MINDY4: variants seen among roughly 807,000 people sequenced by gnomAD.
MINDY4 encodes MINDY lysine 48 deubiquitinase 4.
MINDY4 carries 68 observed loss-of-function variants against 87.0 expected under a neutral mutation model. The ratio of observed to expected loss-of-function variants is 0.78; its 90% confidence interval spans 0.64 to 0.96. MINDY4 has a LOEUF of 0.96. Among genes scored for constraint, MINDY4 ranks in the 40% least tolerant of loss-of-function variants. The pLI is 0.00. For synonymous variants in MINDY4, 379 were observed against 363.2 expected, an observed-to-expected ratio of 1.04 and a Z score of -0.50; for missense variants, 919 against 928.2, an observed-to-expected ratio of 0.99 and a Z score of 0.13.
At chr7:30,841,180 C>T (rs1038265994) in intron 9 of MINDY4, among the ~76,000 whole-genome samples, 4 of 152,232 alleles carry the variant, frequency 2.6e-5, no homozygotes, top group African/African-American at 9.6e-5. Flanking sequence ...GACCTTTCGA[C>T]TGCGTCCGGG....
intron 5 of MINDY4, among the ~76,000 whole-genome samples, chr7:30,794,588 C>T (rs1330245238): frequency 1.3e-5 from 2 of 152,200 alleles, no homozygotes; most frequent in South Asian, 2.1e-4. Flanking sequence ...GCCCTCCTAA[C>T]TCTGACACTC....
At chr7:30,782,340 GTT>G (rs71803427) in intron 3 of MINDY4, 128 bp downstream of exon 3, 19,406 of 639,720 alleles carry the variant, frequency 0.03, 220 homozygotes, top group East Asian at 0.16. Flanking sequence ...GTGTGTGTAT[GTT>G]TGTGTGTGTG....
rs531791933 is a variant in MINDY4, at chr7:30,771,678, A to G, written c.63+122A>G. On this transcript the variant is annotated intron_variant, in intron 1 of 17. Transcript: ENST00000265299. ...CCGTTCCCTACCTACTGCCTGCTCC[A>G]GAGATGCCCCAGAAGAGCGCCGCTT... 9.8e-6 allele frequency: 9 copies of G among 918,866 alleles called. No homozygotes were observed. The South Asian group carries it at 1.3e-4, about 14-fold the overall frequency. The allele number at this position is 918,866 out of a possible 1,614,324, so 56.9% of individuals were successfully genotyped here. A position where few individuals can be genotyped will look rare whatever the true frequency, so the allele number is the denominator to read the frequency against.
chr7:30,839,367 T>A, intron 8 of MINDY4, 51 bp downstream of exon 8: 1 of 1,164,114 alleles, frequency 8.6e-7, no homozygotes, highest in Non-Finnish European at 1.2e-6. Context: ...CCATCATGCA[T>A]AGGGGTGGGT....
At chr7:30,779,895 C>G (rs1786955445) in intron 2 of MINDY4, 1 of 152,210 alleles carries the variant, frequency 6.6e-6, no homozygotes, top group African/African-American at 2.4e-5. Context: ...CACTTGAAAA[C>G]TACGCAAGTA....
chr7:30,778,491 A>T lies in MINDY4; in HGVS notation c.123A>T (p.Ile41=), dbSNP rs1297664697. 5 of 1,614,090 alleles carry T rather than the reference A, an allele frequency of 3.1e-6. No individual in the cohort carries two copies. In the African/African-American group the frequency reaches 6.7e-5, roughly 22 times the overall value. ...AACGCCCACGCTCTGACCTCAGCAT[A>T]AACAACAGAAATGATCTTCGAAAGG... The part of the protein sequence containing the change: ...DQERPRSDLS[I]NNRNDLRKVL... Residue 41 remains isoleucine, a synonymous_variant, in exon 2 of 18, where the codon ATA becomes ATT. Transcript: ENST00000265299.
intron 1 of MINDY4, among the ~76,000 whole-genome samples, 171 bp from the exon 2 acceptor site, chr7:30,778,261 T>C (rs1337820874): frequency 1.3e-5 from 2 of 152,224 alleles, no homozygotes; most frequent in East Asian, 1.9e-4. Flanking sequence ...ACTTAGCCCA[T>C]GGGGCTGTTG....
intron 2 of MINDY4, chr7:30,779,414 G>A (rs1307194987): frequency 6.6e-6 from 1 of 152,182 alleles, no homozygotes; most frequent in Non-Finnish European, 1.5e-5. Context: ...GAAAAAGAAT[G>A]GGCTGTCCAG....
intron 6 of MINDY4, among the ~76,000 whole-genome samples, chr7:30,830,324 G>A (rs932383758): frequency 1.3e-5 from 2 of 152,192 alleles, no homozygotes; most frequent in Non-Finnish European, 2.9e-5. Flanking sequence ...AACACATGAA[G>A]CAGATGCCCA....
At chr7:30,886,897 T>C (rs1790647525) in intron 17 of MINDY4, among the ~76,000 whole-genome samples, 1 of 152,152 alleles carries the variant, frequency 6.6e-6, no homozygotes, top group Non-Finnish European at 1.5e-5. Flanking sequence ...TAATTTATTA[T>C]GGTCATTTCC....
intron 5 of MINDY4, among the ~76,000 whole-genome samples, chr7:30,817,980 C>A (rs553369253): frequency 6.6e-6 from 1 of 152,276 alleles, no homozygotes; most frequent in Admixed American, 6.5e-5. Context: ...ATGTATATCA[C>A]CAGCATATTG....
At chr7:30,879,659 T>G (rs1398770918) in intron 15 of MINDY4, among the ~76,000 whole-genome samples, 1 of 152,236 alleles carries the variant, frequency 6.6e-6, no homozygotes, top group African/African-American at 2.4e-5. Flanking sequence ...TGTTATCGTT[T>G]TGACTTAAAC....
At chr7:30,800,183 C>T (rs1449384784) in intron 5 of MINDY4, among the ~76,000 whole-genome samples, 2 of 152,176 alleles carry the variant, frequency 1.3e-5, no homozygotes, top group African/African-American at 4.8e-5. Context: ...TCTCATGGCT[C>T]CTTCTGCATT....
In MINDY4 at chr7:30,806,780, G is replaced by C. The variant is rs185737050; in HGVS notation, c.1073+15206G>C. Among the ~76,000 whole-genome samples the C allele has an allele frequency of 2.6e-5, 4 of 152,348 alleles. No individual in the cohort carries two copies. In the East Asian group the frequency reaches 7.7e-4, roughly 29 times the overall value. On this transcript the variant is annotated intron_variant, in intron 5 of 17. Transcript: ENST00000265299. ...AAGGTGGGTCTGTTTGAAAGCTCTG[G>C]AGGGTGAGGCAGATGTGTCTTCCTA...
chr7:30,848,283 G>A (rs1043133107), intron 9 of MINDY4, among the ~76,000 whole-genome samples: 9 of 152,244 alleles, frequency 5.9e-5, no homozygotes, highest in Admixed American at 5.9e-4. Context: ...CCCACCCCAT[G>A]TGTATGTGCA....
chr7:30,853,584 G>A (rs1789484400), intron 12 of MINDY4, 125 bp downstream of exon 12: 3 of 862,910 alleles, frequency 3.5e-6, no homozygotes, highest in South Asian at 1.5e-5. Flanking sequence ...AGGAAGCTGG[G>A]AAGGAGTAAT....
chr7:30,881,741 G>A (rs1182390840), intron 15 of MINDY4, among the ~76,000 whole-genome samples: 2 of 152,174 alleles, frequency 1.3e-5, no homozygotes, highest in South Asian at 2.1e-4. Context: ...GCTGTCCAAC[G>A]GTAAGCAAGC....
chr7:30,806,504 A>C (rs1225065417), intron 5 of MINDY4, among the ~76,000 whole-genome samples: 1 of 150,526 alleles, frequency 6.6e-6, no homozygotes, highest in Non-Finnish European at 1.5e-5. Context: ...AAACAGATGG[A>C]TATATTCCTG....
chr7:30,793,394 T>G (rs1787383383), intron 5 of MINDY4, among the ~76,000 whole-genome samples: 1 of 149,844 alleles, frequency 6.7e-6, no homozygotes, highest in Admixed American at 6.7e-5. Flanking sequence ...TTTTTCTAGT[T>G]TTTATTTGGA....
Sources: allele counts gnomAD v4.1 joint callset (sites outside exome capture counted in the v4.1 genomes callset), GRCh38; gene constraint gnomAD v4.1.1; transcripts MANE v1.5; gene names NCBI Gene and HGNC (gene_info 2026-07-23, HGNC 2026-07-21).